Variants in HTR4 observed in about 807,000 individuals in gnomAD.
The protein encoded by HTR4 is 5-hydroxytryptamine receptor 4.
HTR4 carries 16 observed loss-of-function variants against 36.8 expected under a neutral mutation model. That is an observed-to-expected ratio of 0.43 (90% CI 0.29 to 0.66). The LOEUF (loss-of-function observed/expected upper bound fraction) is 0.66, where lower values mean the gene tolerates loss of function less well. Among genes scored for constraint, HTR4 ranks in the 30% least tolerant of loss-of-function variants. HTR4 has a pLI of 0.13. For missense variants in HTR4, 438 were observed against 490.9 expected, an observed-to-expected ratio of 0.89 and a Z score of 1.02; for synonymous variants, 189 against 185.1, an observed-to-expected ratio of 1.02 and a Z score of -0.17.
chr5:148,607,202 G>A (rs1752208729), intron 2 of HTR4, among the ~76,000 whole-genome samples: 1 of 152,108 alleles, frequency 6.6e-6, no homozygotes, highest in African/African-American at 2.4e-5. Flanking sequence ...AGATATTTAT[G>A]TTCTTAACAC....
chr5:148,624,234 C>T (rs1753012777), intron 2 of HTR4, among the ~76,000 whole-genome samples: 1 of 152,174 alleles, frequency 6.6e-6, no homozygotes, highest in Non-Finnish European at 1.5e-5. Context: ...CTACAAATAG[C>T]TGTAATGTGG....
intron 2 of HTR4, among the ~76,000 whole-genome samples, chr5:148,623,513 T>C (rs1412966992): frequency 6.6e-6 from 1 of 152,232 alleles, no homozygotes; most frequent in Non-Finnish European, 1.5e-5. Context: ...TTGTCAGACC[T>C]ATTAAAATAT....
intron 5 of HTR4, among the ~76,000 whole-genome samples, chr5:148,457,912 T>A (rs1471313297): frequency 1.5e-5 from 2 of 136,822 alleles, no homozygotes; most frequent in Non-Finnish European, 3.1e-5. Context: ...AATATATATT[T>A]AATATATCAT....
At chr5:148,627,386 C>T (rs903139360) in intron 2 of HTR4, among the ~76,000 whole-genome samples, 1 of 152,150 alleles carries the variant, frequency 6.6e-6, no homozygotes, top group Non-Finnish European at 1.5e-5. Flanking sequence ...TCCATTTCCA[C>T]ATACGCTTTT....
intron 4 of HTR4, among the ~76,000 whole-genome samples, chr5:148,525,787 G>A (rs1479750507): frequency 6.6e-6 from 1 of 152,164 alleles, no homozygotes; most frequent in Non-Finnish European, 1.5e-5. Flanking sequence ...CAAAAGATAT[G>A]TTGAATTCCC....
At chr5:148,621,992 C>T (rs1752934183) in intron 2 of HTR4, among the ~76,000 whole-genome samples, 1 of 152,138 alleles carries the variant, frequency 6.6e-6, no homozygotes, top group South Asian at 2.1e-4. Context: ...CTGTGTGGAT[C>T]CTGAGACCCA....
Position 148,552,535 on chromosome 5 carries a change from C to T in HTR4, c.27-2273G>A, listed in dbSNP as rs576454477. ...CGGCCCCCCTGAAACTCATCTCTTC[C>T]ACCCCCAGGGCCTCTGTATTTGAGG... On this transcript the variant is annotated intron_variant, in intron 2 of 6. Coordinates refer to ENST00000377888, the MANE Select transcript of HTR4 (RefSeq NM_000870.7). 6.6e-5 allele frequency among the ~76,000 whole-genome samples: 10 copies of T among 152,322 alleles called. No homozygotes were observed. In the South Asian group the frequency reaches 2.1e-3, roughly 32 times the overall value.
intron 4 of HTR4, among the ~76,000 whole-genome samples, chr5:148,541,629 C>A (rs1433279670): frequency 6.6e-6 from 1 of 152,024 alleles, no homozygotes; most frequent in Non-Finnish European, 1.5e-5. Context: ...ATAAAAGAAA[C>A]CCAAGGCACA....
At chr5:148,566,776 T>C (rs1274308709) in intron 2 of HTR4, among the ~76,000 whole-genome samples, 2 of 152,100 alleles carry the variant, frequency 1.3e-5, no homozygotes, top group Admixed American at 6.6e-5. Context: ...GTACCTAATA[T>C]TTATACGTAT....
At chr5:148,577,528 TGCA>T (rs1302375248) in intron 2 of HTR4, among the ~76,000 whole-genome samples, 1 of 152,120 alleles carries the variant, frequency 6.6e-6, no homozygotes, top group East Asian at 1.9e-4. Context: ...GAATGTTCAT[TGCA>T]GCACCATTCA....
intron 2 of HTR4, among the ~76,000 whole-genome samples, chr5:148,560,812 G>A (rs1380492106): frequency 6.6e-6 from 1 of 152,056 alleles, no homozygotes; most frequent in African/African-American, 2.4e-5. Flanking sequence ...TGCAAGTCCA[G>A]TATTTCTCCT....
chr5:148,618,917 C>T (rs1402005896), intron 2 of HTR4, among the ~76,000 whole-genome samples: 1 of 152,140 alleles, frequency 6.6e-6, no homozygotes, highest in Non-Finnish European at 1.5e-5. Context: ...CACATACAGC[C>T]GATTCCAATC....
intron 2 of HTR4, among the ~76,000 whole-genome samples, chr5:148,584,587 A>G (rs1761277653): frequency 6.6e-6 from 1 of 152,234 alleles, no homozygotes; most frequent in Admixed American, 6.5e-5. Flanking sequence ...GCAGACACTG[A>G]TAACTACCTT....
chr5:148,508,480 A>G (rs1172577510), intron 6 of HTR4, among the ~76,000 whole-genome samples: 2 of 152,168 alleles, frequency 1.3e-5, no homozygotes, highest in Non-Finnish European at 2.9e-5. Flanking sequence ...ACCTTGGGGA[A>G]AAAAAATCGC....
intron 2 of HTR4, among the ~76,000 whole-genome samples, chr5:148,562,863 CT>C (rs1223521908): frequency 6.6e-6 from 1 of 152,114 alleles, no homozygotes; most frequent in East Asian, 1.9e-4. Flanking sequence ...GATCCCAACC[CT>C]TTACCAGCCA....
downstream of HTR4, among the ~76,000 whole-genome samples, chr5:148,479,828 A>C (rs1284523476): frequency 6.6e-6 from 1 of 152,196 alleles, no homozygotes; most frequent in Non-Finnish European, 1.5e-5. Context: ...CACACAAGGG[A>C]TCTCAGTGCA....
chr5:148,562,499 T>G (rs997295720), intron 2 of HTR4, among the ~76,000 whole-genome samples: 4 of 152,170 alleles, frequency 2.6e-5, no homozygotes, highest in Non-Finnish European at 4.4e-5. Context: ...ACCTAGGTCA[T>G]TATCTACTCT....
intron 2 of HTR4, among the ~76,000 whole-genome samples, chr5:148,608,402 T>C (rs1752270785): frequency 6.6e-6 from 1 of 152,186 alleles, no homozygotes; most frequent in Non-Finnish European, 1.5e-5. Flanking sequence ...CAAAAGCTTC[T>C]GAGAGATTGT....
At chr5:148,463,885 C>G (rs1328541584) in intron 5 of HTR4, among the ~76,000 whole-genome samples, 1 of 151,706 alleles carries the variant, frequency 6.6e-6, no homozygotes, top group Non-Finnish European at 1.5e-5. Context: ...AAAGAATAGA[C>G]AAAGAGATCA....
Sources: allele counts gnomAD v4.1 joint callset (sites outside exome capture counted in the v4.1 genomes callset), GRCh38; gene constraint gnomAD v4.1.1; transcripts MANE v1.5; gene names NCBI Gene and HGNC (gene_info 2026-07-23, HGNC 2026-07-21).